Variants in RIMKLA observed in about 807,000 individuals in gnomAD.
The protein encoded by RIMKLA is ribosomal modification protein rimK like family member A.
RIMKLA carries 14 observed loss-of-function variants against 32.7 expected under a neutral mutation model. That is an observed-to-expected ratio of 0.43 (90% CI 0.28 to 0.67). The LOEUF is 0.67. Ranked by LOEUF, RIMKLA falls within the 30% of genes least tolerant of loss-of-function variation. The probability of loss-of-function intolerance (pLI) is 0.18; values close to 1 mark genes in which losing one functional copy is unlikely to be tolerated. For missense variants in RIMKLA, 410 were observed against 519.0 expected (o/e 0.79, Z 2.04); for synonymous variants, 176 against 204.1 (o/e 0.86, Z 1.18).
chr1:42,410,743 A>C (rs1206874538), intron 4 of RIMKLA, among the ~76,000 whole-genome samples: 2 of 152,166 alleles, frequency 1.3e-5, no homozygotes, highest in Admixed American at 6.5e-5. Flanking sequence ...CTGAATGGAG[A>C]TACTTCAAGA....
chr1:42,394,430 GTCAAA>G (rs1170986998), intron 1 of RIMKLA, among the ~76,000 whole-genome samples: 3 of 152,194 alleles, frequency 2.0e-5, no homozygotes, highest in Admixed American at 2.0e-4. Flanking sequence ...GACATTTATA[GTCAAA>G]TCAATTCCAA....
intron 1 of RIMKLA, among the ~76,000 whole-genome samples, chr1:42,383,147 A>C (rs954378478): frequency 6.6e-6 from 1 of 151,880 alleles, no homozygotes; most frequent in African/African-American, 2.4e-5. Context: ...CGACCTCCTA[A>C]AGTGCTGGGA....
At chr1:42,392,856 G>A (rs1216079778) in intron 1 of RIMKLA, among the ~76,000 whole-genome samples, 2 of 152,122 alleles carry the variant, frequency 1.3e-5, no homozygotes, top group Non-Finnish European at 2.9e-5. Context: ...GCCAGGCATG[G>A]TGGCTCGTGC....
intron 1 of RIMKLA, among the ~76,000 whole-genome samples, chr1:42,394,286 C>T (rs1643023632): frequency 6.6e-6 from 1 of 152,124 alleles, no homozygotes; most frequent in Non-Finnish European, 1.5e-5. Context: ...TCTGGCATAC[C>T]AGACATCCGT....
intron 3 of RIMKLA, among the ~76,000 whole-genome samples, chr1:42,407,004 G>A (rs1166644535): frequency 6.6e-6 from 1 of 151,752 alleles, no homozygotes; most frequent in African/African-American, 2.4e-5. Context: ...ATCCTGGGCT[G>A]AAACGATCCT....
rs1643312578 is a variant in RIMKLA at position 42,423,516 on chromosome 1, A to G, written c.*8542A>G. On this transcript the variant is annotated 3_prime_UTR_variant, in exon 5 of 5. Transcript: ENST00000431473. ...GACCAGCGTATTTGGTGAGAAAGGA[A>G]GTACTTTGGAAAGGTTGCTGATGGC... Among the ~76,000 whole-genome samples the G allele has an allele frequency of 6.6e-6, 1 of 152,238 alleles. No individual in the cohort carries two copies. Among genetic ancestry groups the G allele is most frequent in the Non-Finnish European group, 1.5e-5 (1 of 68,050 alleles).
At chr1:42,397,293 C>T (rs1226012861) in intron 1 of RIMKLA, among the ~76,000 whole-genome samples, 1 of 152,158 alleles carries the variant, frequency 6.6e-6, no homozygotes, top group Non-Finnish European at 1.5e-5. Flanking sequence ...TATTATTCAT[C>T]ACCTGGTGGA....
intron 1 of RIMKLA, among the ~76,000 whole-genome samples, chr1:42,393,010 T>A (rs1287673577): frequency 2.6e-5 from 4 of 152,042 alleles, no homozygotes; most frequent in African/African-American, 9.7e-5. Context: ...AACTTGAAAT[T>A]GTCAACTCCC....
rs1207330898 is a variant in RIMKLA at position 42,422,713 on chromosome 1, T to G, written c.*7739T>G. The G allele has an allele frequency of 1.3e-5, 2 of 152,166 alleles. No individual in the cohort carries two copies. The highest frequency in any genetic ancestry group is 2.9e-5 in the Non-Finnish European group (2 of 68,026). 9.4% of individuals were successfully genotyped at this position (152,166 alleles called of 1,614,324 possible). A position where few individuals can be genotyped will look rare whatever the true frequency, so the allele number is the denominator to read the frequency against. Reference sequence around the variant, plus strand: ...GAGGAAGAGCCTTCACAGAAGAAACTTCACCCTATTCACTTGCACACCAGC... The same window carrying G: ...GAGGAAGAGCCTTCACAGAAGAAACGTCACCCTATTCACTTGCACACCAGC... On this transcript the variant is annotated 3_prime_UTR_variant, in exon 5 of 5. Transcript: ENST00000431473.
intron 1 of RIMKLA, among the ~76,000 whole-genome samples, chr1:42,395,276 G>T (rs1240512279): frequency 2.0e-5 from 3 of 151,782 alleles, no homozygotes; most frequent in Admixed American, 2.0e-4. Context: ...GTTGGCAGTT[G>T]GTCACTGTCC....
At chr1:42,400,641 G>C (rs1570323104) in intron 2 of RIMKLA, among the ~76,000 whole-genome samples, 1 of 152,202 alleles carries the variant, frequency 6.6e-6, no homozygotes, top group East Asian at 1.9e-4. Flanking sequence ...TAGAAATGTG[G>C]GAGGAAAGAA....
In RIMKLA at chr1:42,422,344, C is replaced by T. The variant is rs1218597138; in HGVS notation, c.*7370C>T. ...GAGTGATTTGTAAAGTTCACTGTCA[C>T]CTGTGGGCAGTAGTTCAGCTAAATT... On this transcript the variant is annotated 3_prime_UTR_variant, in exon 5 of 5. Transcript: ENST00000431473. 14 of 152,216 alleles carry T rather than the reference C, an allele frequency of 9.2e-5. No individual in the cohort carries two copies. Among genetic ancestry groups the T allele is most frequent in the Admixed American group, 9.2e-4 (14 of 15,286 alleles). 9.4% of individuals were successfully genotyped at this position (152,216 alleles called of 1,614,324 possible).
At position 42,419,844 on chromosome 1, in the gene RIMKLA, A is replaced by G. The variant is rs1643280473; in HGVS notation, c.*4870A>G. 3 of 152,234 alleles carry G rather than the reference A, an allele frequency of 2.0e-5. No homozygotes were observed. In the South Asian group the frequency reaches 6.2e-4, roughly 32 times the overall value. 9.4% of individuals were successfully genotyped at this position (152,234 alleles called of 1,614,324 possible). The stretch of plus-strand genomic sequence containing the variant: ...GAGGAAGAAAGCCCATGCCAAGCTA[A>G]CTGAAAGCTTATTTGGCTCCAATTC... On this transcript the variant is annotated 3_prime_UTR_variant, in exon 5 of 5. Coordinates refer to ENST00000431473, the MANE Select transcript of RIMKLA (RefSeq NM_173642.4).
intron 4 of RIMKLA, among the ~76,000 whole-genome samples, chr1:42,411,647 ATTATTTAT>A (rs199789074): frequency 0.029 from 4,242 of 144,176 alleles, 202 homozygotes; most frequent in African/African-American, 0.1. Flanking sequence ...TTTTATTTTT[ATTATTTAT>A]TTATTTATTT....
At position 42,420,225 on chromosome 1, in the gene RIMKLA, C is replaced by T. The variant is rs564751995; in HGVS notation, c.*5251C>T. 13 of 152,414 alleles carry T rather than the reference C, an allele frequency of 8.5e-5. No individual in the cohort carries two copies. The highest frequency in any genetic ancestry group is 3.1e-4 in the African/African-American group (13 of 41,580). 9.4% of individuals were successfully genotyped at this position (152,414 alleles called of 1,614,324 possible). On this transcript the variant is annotated 3_prime_UTR_variant, in exon 5 of 5. Coordinates refer to ENST00000431473, the MANE Select transcript of RIMKLA (RefSeq NM_173642.4). ...TGCTGACTCCACACTTCTGCTACCT[C>T]ATTTTAAATAGCGTCTTATCCCTGC...
Position 42,420,627 on chromosome 1 carries a change from TCCCTC to T in RIMKLA, c.*5657_*5661del, listed in dbSNP as rs1191927049. The T allele has an allele frequency of 2.0e-5, 3 of 152,176 alleles. No homozygotes were observed. Among genetic ancestry groups the T allele is most frequent in the Non-Finnish European group, 4.4e-5 (3 of 68,032 alleles). The allele number at this position is 152,176 out of a possible 1,614,324, so 9.4% of individuals were successfully genotyped here. ...AAACATTTTCCTGGACGAAGACAGTTCCCTCCCCAAGCGGAATTCGAGTGCCATCT... is the reference window on the plus strand; with the variant it reads ...AAACATTTTCCTGGACGAAGACAGTTCCCAAGCGGAATTCGAGTGCCATCT... On this transcript the variant is annotated 3_prime_UTR_variant, in exon 5 of 5. Transcript: ENST00000431473.
intron 2 of RIMKLA, among the ~76,000 whole-genome samples, chr1:42,401,308 T>TC (rs1557754944): frequency 5.3e-5 from 8 of 151,966 alleles, no homozygotes; most frequent in African/African-American, 1.9e-4. Context: ...GTTATTAGGG[T>TC]TGGGGACTCC....
intron 4 of RIMKLA, 70 bp downstream of exon 4, chr1:42,410,257 C>A: frequency 7.6e-7 from 1 of 1,312,392 alleles, no homozygotes; most frequent in Non-Finnish European, 1.1e-6. Flanking sequence ...TCGATCCCTA[C>A]TGTCTTGTCA....
At chr1:42,407,763 G>A (rs1389591698) in intron 3 of RIMKLA, among the ~76,000 whole-genome samples, 1 of 152,124 alleles carries the variant, frequency 6.6e-6, no homozygotes, top group African/African-American at 2.4e-5. Flanking sequence ...TCCCTCAAAT[G>A]GGATTAACCA....
Sources: gnomAD v4.1 joint callset for allele counts (sites outside exome capture counted in the v4.1 genomes callset) on GRCh38, gnomAD v4.1.1 for gene constraint, MANE v1.5 for transcripts, NCBI Gene and HGNC (gene_info 2026-07-23, HGNC 2026-07-21) for gene names.